Variants in REPS2 observed in about 807,000 individuals in gnomAD.
REPS2 encodes RALBP1 associated Eps domain containing 2.
REPS2 carries 23 observed loss-of-function variants against 53.6 expected under a neutral mutation model. The ratio of observed to expected loss-of-function variants is 0.43; its 90% CI spans 0.31 to 0.61. REPS2 has a LOEUF of 0.61. REPS2 is among the 20% of genes least tolerant of loss of function. The pLI is 0.11. For missense variants in REPS2, 446 were observed against 534.9 expected, an observed-to-expected ratio of 0.83 and a Z score of 1.64; for synonymous variants, 238 against 218.6, an observed-to-expected ratio of 1.09 and a Z score of -0.78.
chrX:17,011,491 C>T (rs867869607), intron 2 of REPS2, among the ~76,000 whole-genome samples: 7 of 111,540 alleles, frequency 6.3e-5, no homozygotes, highest in African/African-American at 2.3e-4. Flanking sequence ...GCCAGGAGCC[C>T]CTTTGGCAGT....
At chrX:16,999,637 A>G (rs2061276686) in intron 1 of REPS2, among the ~76,000 whole-genome samples, 1 of 111,691 alleles carries the variant, frequency 9.0e-6, no homozygotes, top group Admixed American at 9.5e-5. Flanking sequence ...GTTGCTTCCA[A>G]AATTGATTTG....
chrX:16,982,010 T>C lies in REPS2; in HGVS notation c.274-24211T>C, dbSNP rs142577930. On this transcript the variant is annotated intron_variant, in intron 1 of 17. Coordinates refer to ENST00000357277, the MANE Select transcript of REPS2 (RefSeq NM_004726.3). ...CAGGCCCTAACAACCACTAACCTAC[T>C]TTCTGTCTCTATGAATTTGCCTCTT... 8.0e-3 allele frequency among the ~76,000 whole-genome samples: 892 copies of C among 111,579 alleles called. 13 individuals are homozygous for C. The highest frequency in any genetic ancestry group is 0.028 in the African/African-American group (865 of 30,670).
chrX:17,109,390 C>T (rs909786685), intron 14 of REPS2, among the ~76,000 whole-genome samples: 3 of 111,008 alleles, frequency 2.7e-5, no homozygotes, highest in African/African-American at 9.8e-5. Context: ...TTGAGAAGCA[C>T]TGAATTAGGG....
At chrX:16,968,516 G>A (rs1201606846) in intron 1 of REPS2, among the ~76,000 whole-genome samples, 1 of 101,187 alleles carries the variant, frequency 9.9e-6, no homozygotes, top group African/African-American at 3.6e-5. Context: ...GGCCGGGCGG[G>A]GGGCTGACCC....
chrX:17,190,871 A>T, the REPS2 span, among the ~76,000 whole-genome samples: 1 of 112,057 alleles, frequency 8.9e-6, no homozygotes, highest in African/African-American at 3.2e-5. Flanking sequence ...GTGGAGAAAG[A>T]ATAATATTTT....
At chrX:17,188,805 C>A in the REPS2 span, among the ~76,000 whole-genome samples, 2 of 111,770 alleles carry the variant, frequency 1.8e-5, no homozygotes, top group East Asian at 5.6e-4. Context: ...CTTGTTTGGG[C>A]TTTTAGATTT....
chrX:16,952,926 A>T (rs2060533719), intron 1 of REPS2, among the ~76,000 whole-genome samples: 1 of 110,580 alleles, frequency 9.0e-6, no homozygotes, highest in African/African-American at 3.3e-5. Flanking sequence ...AGGAGTTTGA[A>T]ACCAGCCTGG....
At chrX:17,065,648 G>A (rs2062215326) in intron 9 of REPS2, among the ~76,000 whole-genome samples, 2 of 111,621 alleles carry the variant, frequency 1.8e-5, no homozygotes, top group African/African-American at 6.5e-5. Context: ...GTGCAGTGGC[G>A]TGATCTCAGC....
At chrX:17,095,658 A>AG (rs2062687345) in intron 13 of REPS2, among the ~76,000 whole-genome samples, 1 of 110,937 alleles carries the variant, frequency 9.0e-6, no homozygotes, top group Admixed American at 9.6e-5. Flanking sequence ...ACTACAGCAG[A>AG]GGGGACTGTA....
chrX:17,068,422 G>A lies in REPS2; in HGVS notation c.1230G>A (p.Met410Ile), dbSNP rs751349371. The A allele has an allele frequency of 6.6e-6, 8 of 1,203,795 alleles. No individual in the cohort carries two copies. The highest frequency in any genetic ancestry group is 7.9e-6 in the Non-Finnish European group (7 of 890,354). Residue 410 changes from methionine (M) to isoleucine (I), a missense_variant, in exon 10 of 18, where the codon ATG becomes ATA. Physicochemically the swap from Met to Ile is conservative, Grantham distance 10 (BLOSUM62 1). Transcript: ENST00000357277. ...CAAAGAAGACATCTGTTAAAGACAT[G>A]GCTGACCTTCCTGTCCCTAACCAGG... ...NRMEKTSVKD[M>I]ADLPVPNQDV...
At chrX:17,103,919 T>A in intron 14 of REPS2, 140 bp downstream of exon 14, 1 of 557,372 alleles carries the variant, frequency 1.8e-6, no homozygotes, top group East Asian at 3.6e-5. Flanking sequence ...GAGCAGAGAG[T>A]GGTTTAATTT....
chrX:17,059,827 T>C (rs1486812027), intron 8 of REPS2, among the ~76,000 whole-genome samples: 1 of 111,586 alleles, frequency 9.0e-6, no homozygotes, highest in Non-Finnish European at 1.9e-5. Flanking sequence ...CTTGCAATTA[T>C]GGAAATAGTC....
Position 17,147,428 on chromosome X carries a change from C to T in REPS2, c.1930C>T (p.Arg644Ter), listed in dbSNP as rs2148180943. The T allele has an allele frequency of 2.5e-6, 3 of 1,207,399 alleles. No individual in the cohort carries two copies. The highest frequency in any genetic ancestry group is 2.2e-6 in the Non-Finnish European group (2 of 892,487). The change falls in exon 18 of 18, where the codon CGA becomes TGA. Residue 644 changes from arginine (R) to a stop codon, truncating the protein, a stop_gained. Coordinates refer to ENST00000357277, the MANE Select transcript of REPS2 (RefSeq NM_004726.3). LOFTEE classifies it high-confidence loss of function. ...QQQLKEVHQE[R>*]IALENQLEQL... ...TACAACTCAGGAGGTTCATCAAGAA[C>T]GAATTGCATTGGAAAACCAATTGGA...
the REPS2 span, among the ~76,000 whole-genome samples, chrX:17,184,969 A>G: frequency 1.8e-5 from 2 of 111,630 alleles, no homozygotes; most frequent in Non-Finnish European, 3.8e-5. Context: ...TTTATTGTGT[A>G]ACAGACTACC....
intron 6 of REPS2, among the ~76,000 whole-genome samples, chrX:17,050,147 T>C (rs1216484747): frequency 1.5e-4 from 5 of 32,345 alleles, no homozygotes; most frequent in South Asian, 1.5e-3. Context: ...TCTTCCTTTC[T>C]TTCTTTCTTT....
chrX:16,947,055 C>T lies in REPS2; in HGVS notation c.194C>T (p.Pro65Leu). Reference protein sequence around the residue: ...SGPPEAARVAPGTATAAAGPV... With the variant: ...SGPPEAARVALGTATAAAGPV... Reference sequence around the variant, plus strand: ...CCCCCCGAGGCCGCCAGAGTCGCCCCCGGCACGGCCACTGCGGCCGCCGGC... The same window carrying T: ...CCCCCCGAGGCCGCCAGAGTCGCCCTCGGCACGGCCACTGCGGCCGCCGGC... The change falls in exon 1 of 18, where the codon CCC becomes CTC. Residue 65 changes from proline to leucine, a missense_variant. Coordinates refer to ENST00000357277, the MANE Select transcript of REPS2 (RefSeq NM_004726.3). 1 of 1,037,566 alleles carries T rather than the reference C, an allele frequency of 9.6e-7. No homozygotes were observed. The allele number at this position is 1,037,566 out of a possible 1,213,427, so 85.5% of individuals were successfully genotyped here.
intron 6 of REPS2, among the ~76,000 whole-genome samples, chrX:17,050,626 C>A (rs2061989506): frequency 1.8e-5 from 2 of 111,233 alleles, no homozygotes; most frequent in Non-Finnish European, 1.9e-5. Context: ...TTTCTCAGAA[C>A]GTATCCCTTT....
chrX:17,037,623 G>A (rs900371678), intron 5 of REPS2, among the ~76,000 whole-genome samples: 2 of 112,391 alleles, frequency 1.8e-5, no homozygotes, highest in Non-Finnish European at 1.9e-5. Flanking sequence ...GCCTCTACCT[G>A]TTTCTTAGTG....
At chrX:17,122,586 A>G (rs1159989252) in intron 14 of REPS2, among the ~76,000 whole-genome samples, 1 of 112,068 alleles carries the variant, frequency 8.9e-6, no homozygotes, top group Non-Finnish European at 1.9e-5. Context: ...GTGTAGGCAT[A>G]TGTTCAGCTT....
Sources: gnomAD v4.1 joint callset for allele counts (sites outside exome capture counted in the v4.1 genomes callset) on GRCh38, gnomAD v4.1.1 for gene constraint, MANE v1.5 for transcripts, NCBI Gene and HGNC (gene_info 2026-07-23, HGNC 2026-07-21) for gene names.